Variants in TES observed in about 807,000 individuals in gnomAD.
TES encodes the protein testin.
Under a neutral mutation model 48.2 loss-of-function variants are expected in TES, and 41 were observed. The observed-to-expected ratio is 0.85, with a 90% CI of 0.66 to 1.10. The LOEUF (loss-of-function observed/expected upper bound fraction) is 1.10. TES is among the 50% of genes least tolerant of loss of function. The pLI is 0.00. For missense variants in TES, 463 were observed against 515.1 expected (o/e 0.90, Z 0.98); for synonymous variants, 162 against 174.9 (o/e 0.93, Z 0.58).
chr7:116,230,516 G>A (rs1201878384), intron 1 of TES, among the ~76,000 whole-genome samples: 1 of 152,190 alleles, frequency 6.6e-6, no homozygotes, highest in South Asian at 2.1e-4. Context: ...CCTGGTCCCT[G>A]TGAGGGCTTC....
In TES at chr7:116,250,248, A is replaced by G; in HGVS notation, c.454A>G (p.Lys152Glu). ...GAQYRKKQLA[K>E]QLPAHDQDPS... The stretch of plus-strand genomic sequence containing the variant: ...ACAGTACCGGAAGAAGCAGCTGGCA[A>G]AGCAGCTCCCTGCACATGACCAGGA... Residue 152 changes from lysine (K) to glutamate (E), a missense_variant, in exon 4 of 7, where the codon AAG (lysine) becomes GAG (glutamate). Transcript: ENST00000358204. 6.2e-7 allele frequency: 1 copy of G among 1,610,318 alleles called. No individual in the cohort carries two copies. Among genetic ancestry groups the G allele is most frequent in the Non-Finnish European group, 8.5e-7 (1 of 1,178,408 alleles).
In TES at chr7:116,212,419, C is replaced by T. The variant is rs561721371; in HGVS notation, c.27+1685C>T. 3.3e-5 allele frequency among the ~76,000 whole-genome samples: 5 copies of T among 152,196 alleles called. No homozygotes were observed. The South Asian group carries it at 1.0e-3, about 32-fold the overall frequency. On this transcript the variant is annotated intron_variant, in intron 1 of 6. Coordinates refer to ENST00000358204, the MANE Select transcript of TES (RefSeq NM_015641.4). ...ATGTATGTTGGGGATAATGATGTGT[C>T]AATGTGTTTCATCACTTGTAACAAA... is the stretch of plus-strand genomic sequence containing the variant.
intron 1 of TES, among the ~76,000 whole-genome samples, chr7:116,224,678 A>C (rs2116581085): frequency 6.6e-6 from 1 of 152,176 alleles, no homozygotes; most frequent in Non-Finnish European, 1.5e-5. Flanking sequence ...GGGGACTTCC[A>C]TGTTAGTGTA....
At chr7:116,224,085 T>A (rs998973710) in intron 1 of TES, among the ~76,000 whole-genome samples, 4 of 152,216 alleles carry the variant, frequency 2.6e-5, no homozygotes, top group Non-Finnish European at 2.9e-5. Flanking sequence ...TGGGATCACT[T>A]GCCCTGGGGA....
In TES at chr7:116,210,602, C is replaced by T. The variant is rs1042641275; in HGVS notation, c.-106C>T. 3.4e-6 allele frequency: 4 copies of T among 1,193,590 alleles called. No individual in the cohort carries two copies. The highest frequency in any genetic ancestry group is 4.8e-4 in the Middle Eastern group (2 of 4,132). The allele number at this position is 1,193,590 out of a possible 1,614,324, so 73.9% of individuals were successfully genotyped here. On this transcript the variant is annotated 5_prime_UTR_variant, in exon 1 of 7. Coordinates refer to ENST00000358204, the MANE Select transcript of TES (RefSeq NM_015641.4). ...GGCGAGTGGCTGTTGAGCGGCGCCGCGGGAGTTCCGCAGGTTTCCCGTGTT... is the reference window on the plus strand; with the variant it reads ...GGCGAGTGGCTGTTGAGCGGCGCCGTGGGAGTTCCGCAGGTTTCCCGTGTT...
intron 1 of TES, among the ~76,000 whole-genome samples, chr7:116,233,544 TAGTCTCTG>T (rs1799727567): frequency 6.6e-6 from 1 of 152,192 alleles, no homozygotes; most frequent in Admixed American, 6.5e-5. Context: ...GCAAGTTTCA[TAGTCTCTG>T]AGTTTCAGCA....
At position 116,250,225 on chromosome 7, in the gene TES, A is replaced by C; in HGVS notation, c.431A>C (p.Gln144Pro). The change falls in exon 4 of 7, where the codon CAG (glutamine) becomes CCG (proline). Residue 144 changes from glutamine (Q) to proline (P), a missense_variant. Coordinates refer to ENST00000358204, the MANE Select transcript of TES (RefSeq NM_015641.4). ...KQPVAGSEGA[Q>P]YRKKQLAKQL... Reference sequence around the variant, plus strand: ...CCAGTAGCAGGCTCAGAGGGGGCACAGTACCGGAAGAAGCAGCTGGCAAAG... The same window carrying C: ...CCAGTAGCAGGCTCAGAGGGGGCACCGTACCGGAAGAAGCAGCTGGCAAAG... 1 of 1,601,452 alleles carries C rather than the reference A, an allele frequency of 6.2e-7. No homozygotes were observed. The highest frequency in any genetic ancestry group is 8.5e-7 in the Non-Finnish European group (1 of 1,174,590).
chr7:116,240,652 A>G (rs1799834203), intron 2 of TES, among the ~76,000 whole-genome samples: 1 of 152,212 alleles, frequency 6.6e-6, no homozygotes, highest in African/African-American at 2.4e-5. Flanking sequence ...AGAATCATGA[A>G]AAAGACTTTT....
chr7:116,216,501 A>G (rs561263021), intron 1 of TES, among the ~76,000 whole-genome samples: 6 of 152,242 alleles, frequency 3.9e-5, no homozygotes, highest in Non-Finnish European at 4.4e-5. Context: ...GGTTTCTCCA[A>G]GTCCTGTGAC....
intron 1 of TES, among the ~76,000 whole-genome samples, chr7:116,229,185 C>T (rs1799665736): frequency 1.3e-5 from 2 of 151,900 alleles, no homozygotes; most frequent in South Asian, 4.2e-4. Context: ...GGCTCACCTT[C>T]CTCCCTGCCA....
chr7:116,216,307 G>A (rs576935473), intron 1 of TES, among the ~76,000 whole-genome samples: 27 of 152,200 alleles, frequency 1.8e-4, no homozygotes, highest in African/African-American at 6.0e-4. Context: ...AACATCTATA[G>A]TGTATGGAAA....
intron 1 of TES, among the ~76,000 whole-genome samples, chr7:116,222,603 G>T (rs62475206): frequency 1.3e-5 from 2 of 152,134 alleles, no homozygotes; most frequent in Non-Finnish European, 2.9e-5. Context: ...TCGCAAGAAT[G>T]ATCGCAGTAT....
At chr7:116,221,670 T>C (rs188670191) in intron 1 of TES, among the ~76,000 whole-genome samples, 1 of 152,312 alleles carries the variant, frequency 6.6e-6, no homozygotes, top group African/African-American at 2.4e-5. Context: ...ATTACTCTCA[T>C]ATTCCTCTGT....
intron 1 of TES, among the ~76,000 whole-genome samples, chr7:116,230,893 A>G (rs928970720): frequency 2.0e-5 from 3 of 152,134 alleles, no homozygotes; most frequent in Non-Finnish European, 4.4e-5. Flanking sequence ...ATTGTAATTC[A>G]TGCACCTCTC....
chr7:116,257,462 T>G lies in TES; in HGVS notation c.1246T>G (p.Cys416Gly), dbSNP rs747648279. The change falls in exon 7 of 7, where the codon TGT (cysteine) becomes GGT (glycine). Residue 416 changes from cysteine (C) to glycine (G), a missense_variant. Transcript: ENST00000358204. The part of the protein sequence containing the change: ...VEGMVFCSVE[C>G]KKRMS ...AGGGATGGTTTTCTGTTCAGTGGAATGTAAGAAGAGGATGTCTTAGGAGGA... is the reference window on the plus strand; with the variant it reads ...AGGGATGGTTTTCTGTTCAGTGGAAGGTAAGAAGAGGATGTCTTAGGAGGA... The G allele has an allele frequency of 1.2e-6, 2 of 1,611,998 alleles. No homozygotes were observed. The highest frequency in any genetic ancestry group is 1.7e-6 in the Non-Finnish European group (2 of 1,179,110).
At chr7:116,243,024 T>C (rs947535099) in intron 2 of TES, among the ~76,000 whole-genome samples, 2 of 152,156 alleles carry the variant, frequency 1.3e-5, no homozygotes, top group African/African-American at 4.8e-5. Flanking sequence ...TCTAGAATAG[T>C]TTCTATTTCC....
At position 116,242,550 on chromosome 7, in the gene TES, G is replaced by A. The variant is rs1007035674; in HGVS notation, c.114-6470G>A. 5.5e-5 allele frequency among the ~76,000 whole-genome samples: 8 copies of A among 146,602 alleles called. No individual in the cohort carries two copies. The Middle Eastern group carries it at 0.014, about 256-fold the overall frequency. On this transcript the variant is annotated intron_variant, in intron 2 of 6. Coordinates refer to ENST00000358204, the MANE Select transcript of TES (RefSeq NM_015641.4). ...CTCTCTCTCTCTCTGTCTCTGTCTC[G>A]GAATATACAAGTCAAATCTAATATT...
chr7:116,225,590 TG>T (rs1490954943), intron 1 of TES, among the ~76,000 whole-genome samples: 1 of 152,252 alleles, frequency 6.6e-6, no homozygotes, highest in African/African-American at 2.4e-5. Context: ...TCTGACCATT[TG>T]GCTTACAGTG....
intron 6 of TES, among the ~76,000 whole-genome samples, chr7:116,255,463 A>T (rs1467964644): frequency 6.6e-6 from 1 of 152,244 alleles, no homozygotes; most frequent in Admixed American, 6.5e-5. Context: ...ATTTTGAATG[A>T]ATGGTAATCA....
Sources: gnomAD v4.1 joint callset for allele counts (sites outside exome capture counted in the v4.1 genomes callset) on GRCh38, gnomAD v4.1.1 for gene constraint, MANE v1.5 for transcripts, NCBI Gene and HGNC (gene_info 2026-07-23, HGNC 2026-07-21) for gene names.